Variants in CDK6 observed in about 807,000 individuals in gnomAD.
CDK6 encodes the protein cyclin dependent kinase 6, also known as cyclin-dependent kinase 6.
A neutral mutation model predicts 37.1 loss-of-function variants in CDK6; 6 were observed. The observed-to-expected ratio is 0.16, with a 90% CI of 0.09 to 0.32. The LOEUF is 0.32. CDK6 is among the 10% of genes least tolerant of loss of function. The pLI is 1.00. For missense variants in CDK6, 224 were observed against 418.9 expected (o/e 0.53, Z 4.06); for synonymous variants, 160 against 161.3 (o/e 0.99, Z 0.06).
intron 3 of CDK6, among the ~76,000 whole-genome samples, chr7:92,764,912 T>G (rs555378374): frequency 6.6e-6 from 1 of 152,360 alleles, no homozygotes; most frequent in South Asian, 2.1e-4. Flanking sequence ...AATTTTGTAA[T>G]GACAATATTG....
chr7:92,776,431 G>A (rs1165202948), intron 2 of CDK6, among the ~76,000 whole-genome samples: 1 of 152,130 alleles, frequency 6.6e-6, no homozygotes, highest in Admixed American at 6.5e-5. Flanking sequence ...ACTCAGTAAT[G>A]GGATCACTGG....
rs1419751719 is a variant in CDK6 at position 92,611,206 on chromosome 7, T to A, written c.*3934A>T. ...GCCTTAGAAATCATACATCTTTATC[T>A]GTCACAATGTGAAACATGCATTCTT... On this transcript the variant is annotated 3_prime_UTR_variant, in exon 8 of 8. Coordinates refer to ENST00000424848, the MANE Select transcript of CDK6 (RefSeq NM_001145306.2). 1.3e-5 allele frequency: 3 copies of A among 226,964 alleles called. No individual in the cohort carries two copies. The highest frequency in any genetic ancestry group is 2.6e-5 in the Non-Finnish European group (3 of 114,370). 14.1% of individuals were successfully genotyped at this position (226,964 alleles called of 1,614,324 possible).
intron 2 of CDK6, among the ~76,000 whole-genome samples, chr7:92,789,457 C>T (rs929234268): frequency 1.4e-4 from 22 of 152,146 alleles, no homozygotes; most frequent in South Asian, 4.1e-4. Context: ...TATAAGTCTA[C>T]GTTAATGGCC....
chr7:92,802,566 A>C lies in CDK6; in HGVS notation c.234-27735T>G, dbSNP rs567648933. On this transcript the variant is annotated intron_variant, in intron 2 of 7. Transcript: ENST00000424848. ...GGCCAAAGACATAAAGTGCTCGTTT[A>C]CGGTACAAGCAGCTATCACATGTCT... Among the ~76,000 whole-genome samples, 9 of 152,350 alleles carry C rather than the reference A, an allele frequency of 5.9e-5. No individual in the cohort carries two copies. The South Asian group carries it at 1.9e-3, about 32-fold the overall frequency.
intron 5 of CDK6, among the ~76,000 whole-genome samples, chr7:92,651,170 G>C (rs1006346481): frequency 3.3e-5 from 5 of 152,196 alleles, no homozygotes; most frequent in Non-Finnish European, 5.9e-5. Context: ...GATTACAGGC[G>C]TAAGCCACGG....
intron 2 of CDK6, among the ~76,000 whole-genome samples, chr7:92,778,105 A>G (rs1334313076): frequency 1.3e-5 from 2 of 151,084 alleles, no homozygotes; most frequent in African/African-American, 4.9e-5. Flanking sequence ...AAAAAAAACC[A>G]AAACCAAAAA....
intron 6 of CDK6, among the ~76,000 whole-genome samples, chr7:92,619,717 G>A (rs1795764622): frequency 6.6e-6 from 1 of 151,596 alleles, no homozygotes. Context: ...TCTCTGCCTG[G>A]GTGTCTGGGG....
intron 2 of CDK6, among the ~76,000 whole-genome samples, chr7:92,819,145 C>T (rs1445545879): frequency 1.3e-5 from 2 of 151,912 alleles, no homozygotes; most frequent in Admixed American, 6.6e-5. Flanking sequence ...TTATAACAGC[C>T]CTAAACTGGA....
chr7:92,631,577 A>G (rs977613116), intron 5 of CDK6, among the ~76,000 whole-genome samples: 6 of 152,210 alleles, frequency 3.9e-5, no homozygotes, highest in Non-Finnish European at 5.9e-5. Context: ...ATGACTTCGT[A>G]AAACTATACG....
intron 3 of CDK6, among the ~76,000 whole-genome samples, chr7:92,749,389 A>G (rs1799136901): frequency 6.6e-6 from 1 of 152,146 alleles, no homozygotes; most frequent in Admixed American, 6.6e-5. Context: ...GCTTCAGCCC[A>G]GGAGTTCAAG....
At chr7:92,657,116 AG>A (rs1796716779) in intron 5 of CDK6, among the ~76,000 whole-genome samples, 1 of 152,080 alleles carries the variant, frequency 6.6e-6, no homozygotes, top group Admixed American at 6.5e-5. Flanking sequence ...AAAAAAAAAA[AG>A]AATTGGCTTT....
At chr7:92,820,348 T>A (rs1483303295) in intron 2 of CDK6, among the ~76,000 whole-genome samples, 1 of 152,112 alleles carries the variant, frequency 6.6e-6, no homozygotes, top group Non-Finnish European at 1.5e-5. Flanking sequence ...GGGCTGAATA[T>A]TTGGCCTAGC....
At chr7:92,826,750 C>G (rs988338477) in intron 2 of CDK6, among the ~76,000 whole-genome samples, 1 of 152,062 alleles carries the variant, frequency 6.6e-6, no homozygotes, top group African/African-American at 2.4e-5. Context: ...ACAGTTAATA[C>G]CCACAGATCT....
At chr7:92,704,645 A>T (rs1259370823) in intron 4 of CDK6, among the ~76,000 whole-genome samples, 1 of 152,086 alleles carries the variant, frequency 6.6e-6, no homozygotes, top group African/African-American at 2.4e-5. Context: ...CATCCATGTT[A>T]TTGCCTGTAG....
rs775438923 is a variant in CDK6 at position 92,732,138 on chromosome 7, C to T, written c.370-6345G>A. On this transcript the variant is annotated intron_variant, in intron 3 of 7. Transcript: ENST00000424848. Reference sequence around the variant, plus strand: ...CACTTTTCTATAATGAAATTTTAGGCCAGGTGTGGTGGCCCACACCTGTAA... The same window carrying T: ...CACTTTTCTATAATGAAATTTTAGGTCAGGTGTGGTGGCCCACACCTGTAA... Among the ~76,000 whole-genome samples, 7 of 152,326 alleles carry T rather than the reference C, an allele frequency of 4.6e-5. No individual in the cohort carries two copies. The East Asian group carries it at 5.8e-4, about 13-fold the overall frequency.
chr7:92,712,087 G>A (rs569457973), intron 4 of CDK6, among the ~76,000 whole-genome samples: 1 of 151,694 alleles, frequency 6.6e-6, no homozygotes, highest in Admixed American at 6.6e-5. Context: ...GTGAACCCGG[G>A]AGGCAGAGCT....
At chr7:92,823,443 TAAAAAAA>T (rs34132527) in intron 2 of CDK6, among the ~76,000 whole-genome samples, 2 of 74,846 alleles carry the variant, frequency 2.7e-5, no homozygotes, top group Admixed American at 1.5e-4. Context: ...TCTTAATATG[TAAAAAAA>T]AAAAAAAAAA....
chr7:92,803,589 T>C (rs1458740117), intron 2 of CDK6, among the ~76,000 whole-genome samples: 3 of 152,156 alleles, frequency 2.0e-5, no homozygotes, highest in African/African-American at 4.8e-5. Context: ...GACATGAACA[T>C]GTAAGACGGA....
intron 3 of CDK6, among the ~76,000 whole-genome samples, chr7:92,730,094 TAA>T (rs1798609116): frequency 6.6e-6 from 1 of 152,326 alleles, no homozygotes; most frequent in East Asian, 1.9e-4. Flanking sequence ...CAAAAGACAC[TAA>T]AAACACCCAA....
Sources: allele counts gnomAD v4.1 joint callset (sites outside exome capture counted in the v4.1 genomes callset), GRCh38; gene constraint gnomAD v4.1.1; transcripts MANE v1.5; gene names NCBI Gene and HGNC (gene_info 2026-07-23, HGNC 2026-07-21).